Variants in ZNF599 observed in about 807,000 individuals in gnomAD.
The protein encoded by ZNF599 is zinc finger protein 599.
Under a neutral mutation model 11.7 loss-of-function variants are expected in ZNF599, and 10 were observed. The ratio of observed to expected loss-of-function variants is 0.86; its 90% CI spans 0.53 to 1.45. The LOEUF is 1.45. ZNF599 is among the 40% of genes most tolerant of loss of function. ZNF599 has a pLI of 0.00. For synonymous variants in ZNF599, 232 were observed against 253.2 expected (o/e 0.92, Z 0.79); for missense variants, 688 against 713.6 (o/e 0.96, Z 0.41).
chr19:34,791,345 G>A, the ZNF599 span, among the ~76,000 whole-genome samples: 2 of 152,298 alleles, frequency 1.3e-5, no homozygotes, highest in Non-Finnish European at 2.9e-5. Context: ...TGAGCCACAT[G>A]TTGACAATAG....
intron 3 of ZNF599, among the ~76,000 whole-genome samples, chr19:34,761,710 G>T (rs190831898): frequency 2.6e-5 from 4 of 152,280 alleles, no homozygotes; most frequent in Non-Finnish European, 4.4e-5. Flanking sequence ...AATGGATCTA[G>T]AAAAATTATT....
intron 3 of ZNF599, among the ~76,000 whole-genome samples, chr19:34,766,254 T>C (rs2069142241): frequency 1.3e-5 from 2 of 152,150 alleles, no homozygotes. Context: ...CAGCTTCCTC[T>C]GGCAGCCCAG....
intron 3 of ZNF599, among the ~76,000 whole-genome samples, chr19:34,761,317 A>C (rs760458182): frequency 1.3e-5 from 2 of 152,248 alleles, no homozygotes; most frequent in Non-Finnish European, 2.9e-5. Flanking sequence ...TGTAAAACTT[A>C]AGACACTAAA....
chr19:34,763,739 G>T (rs1222695083), intron 3 of ZNF599: 1 of 152,094 alleles, frequency 6.6e-6, no homozygotes, highest in Non-Finnish European at 1.5e-5. Flanking sequence ...CTGAAAAACT[G>T]GGATACTCTC....
rs375753835 is a variant in ZNF599 at position 34,759,541 on chromosome 19, C to T, written c.1260G>A (p.Glu420=). ...FIRHKRTHTG[E]KPFECKECGK... ...CACATTCTTTGCACTCAAAGGGCTTCTCTCCGGTATGGGTCCTCTTATGTC... is the reference window on the plus strand; with the variant it reads ...CACATTCTTTGCACTCAAAGGGCTTTTCTCCGGTATGGGTCCTCTTATGTC... The change falls in exon 4 of 4, where the codon GAG becomes GAA. Residue 420 remains glutamate, a synonymous_variant. Coordinates refer to ENST00000329285, the MANE Select transcript of ZNF599 (RefSeq NM_001007248.3). 1.2e-6 allele frequency: 2 copies of T among 1,612,880 alleles called. No individual in the cohort carries two copies. Among genetic ancestry groups the T allele is most frequent in the East Asian group, 4.5e-5 (2 of 44,736 alleles).
chr19:34,768,786 A>G (rs2069162035), intron 2 of ZNF599, among the ~76,000 whole-genome samples: 1 of 152,208 alleles, frequency 6.6e-6, no homozygotes, highest in African/African-American at 2.4e-5. Flanking sequence ...TTAAAGATTC[A>G]GCCCTAAGCC....
At chr19:34,792,761 G>A in the ZNF599 span, among the ~76,000 whole-genome samples, 1 of 152,140 alleles carries the variant, frequency 6.6e-6, no homozygotes, top group South Asian at 2.1e-4. Context: ...TACTCGGGAG[G>A]CTGAGGCAGG....
chr19:34,779,915 A>G, the ZNF599 span: 1 of 158,360 alleles, frequency 6.3e-6, no homozygotes, highest in African/African-American at 2.4e-5. Flanking sequence ...TGCACATGGT[A>G]TGCTCTTCTG....
intron 3 of ZNF599, among the ~76,000 whole-genome samples, chr19:34,761,582 TA>T (rs1275106263): frequency 2.0e-5 from 3 of 152,120 alleles, no homozygotes; most frequent in Admixed American, 1.3e-4. Context: ...GGCATAGATA[TA>T]AGACAAACGG....
In ZNF599 at chr19:34,759,419, G is replaced by A. The variant is rs201007765; in HGVS notation, c.1382C>T (p.Thr461Ile). The A allele has an allele frequency of 1.2e-6, 2 of 1,614,134 alleles. No individual in the cohort carries two copies. Among genetic ancestry groups the A allele is most frequent in the East Asian group, 4.5e-5 (2 of 44,886 alleles). Reference protein sequence around the residue: ...YECSECGKAFTHHSVFIRHNR... With the variant: ...YECSECGKAFIHHSVFIRHNR... ...ATGTCGAATAAAAACAGAGTGGTGT[G>A]TAAAAGCCTTTCCACATTCACTGCA... The change falls in exon 4 of 4, where the codon ACA becomes ATA. Residue 461 changes from threonine (T) to isoleucine (I), a missense_variant. Thr to Ile is a moderately conservative substitution (Grantham distance 89, BLOSUM62 -1). Coordinates refer to ENST00000329285, the MANE Select transcript of ZNF599 (RefSeq NM_001007248.3).
Position 34,759,813 on chromosome 19 carries a change from T to G in ZNF599, c.988A>C (p.Met330Leu). 6.2e-7 allele frequency: 1 copy of G among 1,614,204 alleles called. No homozygotes were observed. Among genetic ancestry groups the G allele is most frequent in the Non-Finnish European group, 8.5e-7 (1 of 1,180,022 alleles). The change falls in exon 4 of 4, where the codon ATG becomes CTG. Residue 330 changes from methionine (M) to leucine (L), a missense_variant. Coordinates refer to ENST00000329285, the MANE Select transcript of ZNF599 (RefSeq NM_001007248.3). ...AGTTTCTTTCCAGTATGAATCCTCA[T>G]ATGTTGAGCAAATGAGGAGCTGTAG... is the stretch of plus-strand genomic sequence containing the variant. Reference protein sequence around the residue: ...FYYSSSFAQHMRIHTGKKLYE... With the variant: ...FYYSSSFAQHLRIHTGKKLYE...
chr19:34,770,830 T>C (rs1231833006), intron 1 of ZNF599, among the ~76,000 whole-genome samples: 1 of 152,222 alleles, frequency 6.6e-6, no homozygotes, highest in East Asian at 1.9e-4. Flanking sequence ...TCTGCCTTTG[T>C]CCATGCAGTT....
the ZNF599 span, among the ~76,000 whole-genome samples, chr19:34,784,921 T>G: frequency 6.8e-6 from 1 of 146,530 alleles, no homozygotes; most frequent in Non-Finnish European, 1.5e-5. Flanking sequence ...CTCCTAAATC[T>G]CCACACAACT....
At chr19:34,802,753 T>A in the ZNF599 span, among the ~76,000 whole-genome samples, 4 of 152,154 alleles carry the variant, frequency 2.6e-5, no homozygotes, top group African/African-American at 9.7e-5. Flanking sequence ...CCTGATGTCA[T>A]GCCCTCTCAC....
Position 34,760,280 on chromosome 19 carries a change from G to A in ZNF599, c.521C>T (p.Pro174Leu), listed in dbSNP as rs1446518081. The change falls in exon 4 of 4, where the codon CCA becomes CTA. Residue 174 changes from proline (P) to leucine (L), a missense_variant. Pro to Leu is a moderately conservative substitution (Grantham distance 98). Coordinates refer to ENST00000329285, the MANE Select transcript of ZNF599 (RefSeq NM_001007248.3). ...GTCACACTCATGGAGAGCATCTTGT[G>A]GAGTGACTCGTTCCTGTAAAACCCT... is the stretch of plus-strand genomic sequence containing the variant. ...GLRVLQERVT[P>L]QDALHECDSQ... The A allele has an allele frequency of 6.2e-7, 1 of 1,614,154 alleles. No homozygotes were observed. Among genetic ancestry groups the A allele is most frequent in the Non-Finnish European group, 8.5e-7 (1 of 1,180,026 alleles).
In ZNF599 at chr19:34,767,325, T is replaced by C; in HGVS notation, c.232A>G (p.Thr78Ala). ...ACTCTCAGTCACCAACCTGCGCAGG[T>C]GCTTTGGGAGAGGCCTCTCTTCACT... ...WTVKRGLSQSTCAGEKAKPKI... is the reference protein window; with the variant it reads ...WTVKRGLSQSACAGEKAKPKI... Residue 78 changes from threonine (T) to alanine (A), a missense_variant, in exon 3 of 4, where the codon ACC (threonine) becomes GCC (alanine). Coordinates refer to ENST00000329285, the MANE Select transcript of ZNF599 (RefSeq NM_001007248.3). 4 of 1,613,914 alleles carry C rather than the reference T, an allele frequency of 2.5e-6. No homozygotes were observed. Among genetic ancestry groups the C allele is most frequent in the Non-Finnish European group, 3.4e-6 (4 of 1,179,906 alleles).
chr19:34,773,280 C>G (rs2145468811), upstream of ZNF599: 1 of 179,204 alleles, frequency 5.6e-6, no homozygotes, highest in East Asian at 1.4e-4. Context: ...TTGGGGTCGG[C>G]TTCCGTCCCT....
intron 1 of ZNF599, chr19:34,772,286 T>C: frequency 1.0e-6 from 1 of 974,348 alleles, no homozygotes; most frequent in Non-Finnish European, 1.2e-6. Context: ...ATAAATCCAA[T>C]GAGCTTCTTG....
chr19:34,778,161 C>T (rs1481357929), upstream of ZNF599, among the ~76,000 whole-genome samples: 2 of 151,966 alleles, frequency 1.3e-5, no homozygotes, highest in Non-Finnish European at 2.9e-5. Flanking sequence ...GTTAAAAAAT[C>T]TCTGGGACAC....
Sources: allele counts gnomAD v4.1 joint callset (sites outside exome capture counted in the v4.1 genomes callset), GRCh38; gene constraint gnomAD v4.1.1; transcripts MANE v1.5; gene names NCBI Gene and HGNC (gene_info 2026-07-23, HGNC 2026-07-21).